The following GPR155 variants were observed in gnomAD, a reference collection of about 807,000 sequenced individuals.
GPR155 encodes the protein lysosomal cholesterol signaling protein.
A neutral mutation model predicts 93.1 loss-of-function variants in GPR155; 65 were observed. The observed-to-expected ratio is 0.70, with a 90% CI of 0.57 to 0.86. The LOEUF (loss-of-function observed/expected upper bound fraction) is 0.86. Among genes scored for constraint, GPR155 ranks in the 40% least tolerant of loss-of-function variants. The pLI, the probability that GPR155 is intolerant of heterozygous loss-of-function variation, is 0.00. For synonymous variants in GPR155, 319 were observed against 360.1 expected, an observed-to-expected ratio of 0.89 and a Z score of 1.29; for missense variants, 838 against 1,034.8, an observed-to-expected ratio of 0.81 and a Z score of 2.61.
intron 4 of GPR155, among the ~76,000 whole-genome samples, chr2:174,469,647 TTATCAATGATAAAATAGGCA>T (rs2105722533): frequency 6.6e-6 from 1 of 152,306 alleles, no homozygotes; most frequent in Non-Finnish European, 1.5e-5. Flanking sequence ...GTGCTTGAAA[TTATCAATGATAAAATAGGCA>T]TTTTTTTCTT....
chr2:174,444,415 C>CA (rs58572270), intron 13 of GPR155, among the ~76,000 whole-genome samples: 1,360 of 85,484 alleles, frequency 0.016, 27 homozygotes, highest in African/African-American at 0.059. Context: ...AACTCCGTCT[C>CA]AAAAAAAAAA....
intron 10 of GPR155, among the ~76,000 whole-genome samples, chr2:174,454,586 T>C (rs927348193): frequency 4.0e-5 from 6 of 150,788 alleles, no homozygotes; most frequent in Non-Finnish European, 5.9e-5. Flanking sequence ...GTCCAGGAGT[T>C]TGAGATTACA....
At chr2:174,480,227 A>G (rs1688280881) in intron 2 of GPR155, among the ~76,000 whole-genome samples, 1 of 152,154 alleles carries the variant, frequency 6.6e-6, no homozygotes. Flanking sequence ...GCACCTCCAC[A>G]TTCCTATCCT....
chr2:174,446,763 C>T lies in GPR155; in HGVS notation c.1877-16G>A, dbSNP rs374401984. ...CAATGATTGTCTATAAAAGAGTAAG[C>T]ACAACAATTTGTAATCAGAGCTTTT... On this transcript the variant is annotated splice_polypyrimidine_tract_variant and intron_variant, in intron 11 of 15. Transcript: ENST00000392552. 2.6e-5 allele frequency: 42 copies of T among 1,610,392 alleles called. No homozygotes were observed. The African/African-American group carries it at 4.5e-4, about 17-fold the overall frequency.
At chr2:174,465,941 A>G in intron 6 of GPR155, 39 bp from the exon 7 acceptor site, 1 of 942,246 alleles carries the variant, frequency 1.1e-6, no homozygotes, top group East Asian at 2.4e-5. Flanking sequence ...TAAATAGCTA[A>G]GAAAACCATA....
chr2:174,457,465 G>A lies in GPR155; in HGVS notation c.1771+2413C>T, dbSNP rs564753138. Among the ~76,000 whole-genome samples the A allele has an allele frequency of 5.3e-4, 80 of 152,210 alleles. No individual in the cohort carries two copies. The South Asian group carries it at 8.5e-3, about 16-fold the overall frequency. On this transcript the variant is annotated intron_variant, in intron 10 of 15. Coordinates refer to ENST00000392552, the MANE Select transcript of GPR155 (RefSeq NM_152529.7). The stretch of plus-strand genomic sequence containing the variant: ...AGGCAAATACTGAAGTCCTGTCTTA[G>A]ACTTTTTTTGAGACAGAGTCTTGCT...
chr2:174,482,953 A>G (rs1688370207), intron 1 of GPR155: 1 of 152,190 alleles, frequency 6.6e-6, no homozygotes, highest in Admixed American at 6.5e-5. Flanking sequence ...GAAGTTAAAT[A>G]TAACTTTTGG....
rs1688039510 is a variant in GPR155, at chr2:174,472,985, A to G, written c.840T>C (p.Ile280=). The stretch of plus-strand genomic sequence containing the variant: ...CTTACAGTTTAGCTGTGATGAGAAG[A>G]ATTAGTACTACAAATGCCGACTTCT... ...RLKKSAFVVL[I]LLITAKLLVL... Residue 280 remains isoleucine (I), a synonymous_variant, in exon 3 of 16, where the codon ATT becomes ATC. Transcript: ENST00000392552. The G allele has an allele frequency of 1.3e-5, 20 of 1,589,214 alleles. No homozygotes were observed. The highest frequency in any genetic ancestry group is 1.7e-5 in the Non-Finnish European group (20 of 1,174,358).
chr2:174,460,679 A>C (rs1687664486), intron 9 of GPR155, among the ~76,000 whole-genome samples: 1 of 152,028 alleles, frequency 6.6e-6, no homozygotes, highest in African/African-American at 2.4e-5. Flanking sequence ...AATCTAAATG[A>C]TTTCTCTCCG....
chr2:174,441,871 T>C (rs190390391), intron 14 of GPR155, among the ~76,000 whole-genome samples: 2 of 151,778 alleles, frequency 1.3e-5, no homozygotes, highest in East Asian at 3.9e-4. Flanking sequence ...ACCTCCTGAG[T>C]AGCTGGGACT....
intron 14 of GPR155, among the ~76,000 whole-genome samples, chr2:174,441,117 A>G (rs10930668): frequency 0.25 from 38,000 of 151,118 alleles, 5,694 homozygotes; most frequent in Middle Eastern, 0.46. Context: ...AGTTCCTCCA[A>G]TTTTTTTTTG....
chr2:174,457,780 C>T (rs1361882314), intron 10 of GPR155, among the ~76,000 whole-genome samples: 1 of 151,916 alleles, frequency 6.6e-6, no homozygotes, highest in African/African-American at 2.4e-5. Context: ...AAGACAGGAT[C>T]ACGTCTATTG....
Position 174,446,419 on chromosome 2 carries a change from G to T in GPR155, c.2013+192C>A, listed in dbSNP as rs1263363767. Reference sequence around the variant, plus strand: ...CAGAATAAGCTATTGGAGCACTCAGGCCTCAGAGTAATGTGAATGATTCAT... The same window carrying T: ...CAGAATAAGCTATTGGAGCACTCAGTCCTCAGAGTAATGTGAATGATTCAT... On this transcript the variant is annotated intron_variant, in intron 12 of 15. Coordinates refer to ENST00000392552, the MANE Select transcript of GPR155 (RefSeq NM_152529.7). 2.6e-5 allele frequency among the ~76,000 whole-genome samples: 4 copies of T among 151,872 alleles called. No individual in the cohort carries two copies. In the East Asian group the frequency reaches 7.7e-4, roughly 29 times the overall value.
Position 174,434,499 on chromosome 2 carries a change from T to C in GPR155, c.*1617A>G, listed in dbSNP as rs947476520. The C allele has an allele frequency of 6.6e-6, 1 of 152,066 alleles. No individual in the cohort carries two copies. Among genetic ancestry groups the C allele is most frequent in the Non-Finnish European group, 1.5e-5 (1 of 68,010 alleles). 9.4% of individuals were successfully genotyped at this position (152,066 alleles called of 1,614,324 possible). A position where few individuals can be genotyped will look rare whatever the true frequency, so the allele number is the denominator to read the frequency against. Reference sequence around the variant, plus strand: ...TACTTCTGCAGGACTGTGGAGATAATAATACATATGGAGGTTCTTATTCCT... The same window carrying C: ...TACTTCTGCAGGACTGTGGAGATAACAATACATATGGAGGTTCTTATTCCT... On this transcript the variant is annotated 3_prime_UTR_variant, in exon 16 of 16. Transcript: ENST00000392552.
chr2:174,484,119 T>C (rs1688407416), intron 1 of GPR155, among the ~76,000 whole-genome samples: 1 of 152,184 alleles, frequency 6.6e-6, no homozygotes, highest in South Asian at 2.1e-4. Context: ...ACCGAACCAT[T>C]TGAAAACCTT....
chr2:174,482,885 T>TG (rs1420896642), intron 1 of GPR155: 7 of 152,246 alleles, frequency 4.6e-5, no homozygotes, highest in Admixed American at 1.3e-4. Flanking sequence ...CATGGGAACT[T>TG]GCGATTATTC....
At chr2:174,465,481 C>T (rs1481029285) in intron 7 of GPR155, among the ~76,000 whole-genome samples, 1 of 152,190 alleles carries the variant, frequency 6.6e-6, no homozygotes, top group Non-Finnish European at 1.5e-5. Context: ...CGCCTTTCTC[C>T]ATCTGCCTTC....
chr2:174,472,107 A>G (rs1376280898), intron 3 of GPR155, among the ~76,000 whole-genome samples: 1 of 152,174 alleles, frequency 6.6e-6, no homozygotes, highest in Non-Finnish European at 1.5e-5. Flanking sequence ...CTGAAGAACT[A>G]TTAACTAAGA....
chr2:174,461,482 G>A lies in GPR155; in HGVS notation c.1480C>T (p.Leu494Phe). The change falls in exon 9 of 16, where the codon CTC (leucine) becomes TTC (phenylalanine). Residue 494 changes from leucine (L) to phenylalanine (F), a missense_variant. Leu to Phe is a conservative substitution (Grantham distance 22). Transcript: ENST00000392552. ...GTTATCAAAAGAACACCAACAAGGA[G>A]AGCAGGAATTCTGTAATCACAAGTG... ...IIISGWGIPA[L>F]LVGVLLITGK... The A allele has an allele frequency of 6.2e-7, 1 of 1,611,570 alleles. No homozygotes were observed. Among genetic ancestry groups the A allele is most frequent in the Non-Finnish European group, 8.5e-7 (1 of 1,177,742 alleles).
Sources: gnomAD v4.1 joint callset for allele counts (sites outside exome capture counted in the v4.1 genomes callset) on GRCh38, gnomAD v4.1.1 for gene constraint, MANE v1.5 for transcripts, NCBI Gene and HGNC (gene_info 2026-07-23, HGNC 2026-07-21) for gene names.